ATP10A: variants seen among roughly 807,000 people sequenced by gnomAD.
The protein encoded by ATP10A is phospholipid-transporting ATPase VA.
In ATP10A, 111 loss-of-function variants were observed where a neutral mutation model predicts 147.8. The ratio of observed to expected loss-of-function variants is 0.75; its 90% CI spans 0.64 to 0.88. ATP10A has a LOEUF of 0.88. ATP10A is among the 40% of genes least tolerant of loss of function. The pLI, the probability that ATP10A is intolerant of heterozygous loss-of-function variation, is 0.00. For missense variants in ATP10A, 1,927 were observed against 1,959.0 expected (o/e 0.98, Z 0.31); for synonymous variants, 875 against 841.6 (o/e 1.04, Z -0.69).
intron 1 of ATP10A, among the ~76,000 whole-genome samples, chr15:25,799,606 C>T (rs779767376): frequency 2.0e-5 from 3 of 152,110 alleles, no homozygotes; most frequent in East Asian, 1.9e-4. Context: ...TGGAAGTGCA[C>T]GCCTGTGGTC....
chr15:25,788,071 G>A (rs1890252914), intron 1 of ATP10A, among the ~76,000 whole-genome samples: 1 of 152,162 alleles, frequency 6.6e-6, no homozygotes, highest in Non-Finnish European at 1.5e-5. Context: ...CTCCCAACGT[G>A]GGCAGGGCAC....
chr15:25,680,055 G>A, intron 20 of ATP10A, 66 bp downstream of exon 20: 1 of 1,589,124 alleles, frequency 6.3e-7, no homozygotes, highest in Non-Finnish European at 8.6e-7. Context: ...ACATAGAGCA[G>A]AAGCAATGCC....
chr15:25,782,980 G>C (rs1889993518), intron 1 of ATP10A, among the ~76,000 whole-genome samples: 1 of 151,684 alleles, frequency 6.6e-6, no homozygotes, highest in South Asian at 2.1e-4. Context: ...GACCAGCCTA[G>C]ACAACATAGT....
intron 12 of ATP10A, among the ~76,000 whole-genome samples, chr15:25,703,836 C>T (rs1030695455): frequency 6.6e-6 from 1 of 152,224 alleles, no homozygotes; most frequent in African/African-American, 2.4e-5. Context: ...GCCTAGCTCC[C>T]ATGTCGGGGA....
intron 1 of ATP10A, among the ~76,000 whole-genome samples, chr15:25,819,776 A>C (rs1891804468): frequency 6.6e-6 from 1 of 152,206 alleles, no homozygotes; most frequent in Admixed American, 6.5e-5. Flanking sequence ...TTTTGCAGTG[A>C]CATAAATGGA....
At chr15:25,706,139 C>T (rs1190342607) in intron 12 of ATP10A, among the ~76,000 whole-genome samples, 1 of 152,176 alleles carries the variant, frequency 6.6e-6, no homozygotes, top group African/African-American at 2.4e-5. Flanking sequence ...CAAGGAATCC[C>T]TGTGAAAAAG....
intron 1 of ATP10A, among the ~76,000 whole-genome samples, chr15:25,811,491 G>A (rs1891431137): frequency 6.6e-6 from 1 of 152,158 alleles, no homozygotes; most frequent in African/African-American, 2.4e-5. Context: ...ACTTCCCCAT[G>A]TGGAAACTGC....
In ATP10A at chr15:25,695,048, C is replaced by T. The variant is rs533695913; in HGVS notation, c.2859G>A (p.Arg953=). 1.7e-4 allele frequency: 274 copies of T among 1,614,190 alleles called. 1 individual carries two copies. The South Asian group carries it at 2.9e-3, about 17-fold the overall frequency. ...PEKTKGKVSM[R]FSSLCPPSTS... ...TGGAGGGTGGGCAGAGAGAGGAGAA[C>T]CTCATGCTCACTTTGCCCTTGGTCT... is the stretch of plus-strand genomic sequence containing the variant. The change falls in exon 14 of 21, where the codon AGG becomes AGA. Residue 953 remains arginine (R), a synonymous_variant. Transcript: ENST00000555815.
chr15:25,734,953 C>T (rs1018200108), intron 3 of ATP10A, among the ~76,000 whole-genome samples: 1 of 149,796 alleles, frequency 6.7e-6, no homozygotes, highest in Non-Finnish European at 1.5e-5. Context: ...AATGGGGCCA[C>T]TTCCAGAAGC....
At chr15:25,713,081 G>A (rs1901542867) in intron 10 of ATP10A, among the ~76,000 whole-genome samples, 1 of 152,226 alleles carries the variant, frequency 6.6e-6, no homozygotes, top group South Asian at 2.1e-4. Context: ...TAGAGCCTCA[G>A]CAGGGCCCCT....
chr15:25,757,520 G>C (rs951924556), intron 2 of ATP10A, among the ~76,000 whole-genome samples: 4 of 152,146 alleles, frequency 2.6e-5, no homozygotes, highest in South Asian at 4.2e-4. Context: ...CTAATTCAAA[G>C]GTTATTTAGA....
intron 7 of ATP10A, among the ~76,000 whole-genome samples, chr15:25,721,428 A>G (rs1902217365): frequency 6.6e-6 from 1 of 152,164 alleles, no homozygotes; most frequent in African/African-American, 2.4e-5. Context: ...CACTGCAGGA[A>G]CAGGGCGGGC....
At chr15:25,691,333 C>T (rs560028481) in intron 15 of ATP10A, among the ~76,000 whole-genome samples, 1 of 152,304 alleles carries the variant, frequency 6.6e-6, no homozygotes, top group East Asian at 1.9e-4. Context: ...CCAGGCTCCA[C>T]CTACATCAAA....
At chr15:25,699,480 T>C (rs1320536679) in intron 13 of ATP10A, among the ~76,000 whole-genome samples, 3 of 152,172 alleles carry the variant, frequency 2.0e-5, no homozygotes, top group East Asian at 3.9e-4. Context: ...GATGTTAACG[T>C]GTAATGCTTT....
intron 4 of ATP10A, among the ~76,000 whole-genome samples, chr15:25,726,292 T>C (rs1385398316): frequency 6.6e-6 from 1 of 152,128 alleles, no homozygotes; most frequent in Non-Finnish European, 1.5e-5. Flanking sequence ...TATACATATA[T>C]AATGACTGTG....
chr15:25,832,119 T>A (rs537261597), intron 1 of ATP10A, among the ~76,000 whole-genome samples: 61 of 152,064 alleles, frequency 4.0e-4, no homozygotes, highest in Non-Finnish European at 6.9e-4. Flanking sequence ...AGAAATCAGA[T>A]CAACGTGGCT....
At chr15:25,728,301 G>T (rs374747641) in intron 3 of ATP10A, among the ~76,000 whole-genome samples, 9 of 152,198 alleles carry the variant, frequency 5.9e-5, no homozygotes, top group Admixed American at 5.9e-4. Flanking sequence ...AGGCTGAAAT[G>T]CAAGCTGGGA....
At chr15:25,846,738 T>C (rs922209884) in intron 1 of ATP10A, among the ~76,000 whole-genome samples, 1 of 152,242 alleles carries the variant, frequency 6.6e-6, no homozygotes, top group Non-Finnish European at 1.5e-5. Context: ...GAAGATGTTC[T>C]GGGTAGTGGT....
intron 1 of ATP10A, among the ~76,000 whole-genome samples, chr15:25,822,910 A>G (rs1891949205): frequency 6.6e-6 from 1 of 152,218 alleles, no homozygotes; most frequent in South Asian, 2.1e-4. Flanking sequence ...TTTTTCTTAG[A>G]CTTTCCATCT....
Sources: gnomAD v4.1 joint callset for allele counts (sites outside exome capture counted in the v4.1 genomes callset) on GRCh38, gnomAD v4.1.1 for gene constraint, MANE v1.5 for transcripts, NCBI Gene and HGNC (gene_info 2026-07-23, HGNC 2026-07-21) for gene names.